Variants in VIT observed in about 807,000 individuals in gnomAD.
The protein encoded by VIT is vitrin.
In VIT, 99 loss-of-function variants were observed where a neutral mutation model predicts 78.0. That is an observed-to-expected ratio of 1.27 (90% CI 1.08 to 1.50). The LOEUF (loss-of-function observed/expected upper bound fraction) is 1.50. VIT is among the 40% of genes most tolerant of loss of function. The pLI is 0.00. For synonymous variants in VIT, 374 were observed against 334.3 expected (o/e 1.12, Z -1.29); for missense variants, 1,126 against 875.3 (o/e 1.29, Z -3.61).
At chr2:36,802,831 C>A (rs936483323) in intron 13 of VIT, among the ~76,000 whole-genome samples, 1 of 152,162 alleles carries the variant, frequency 6.6e-6, no homozygotes, top group Non-Finnish European at 1.5e-5. Flanking sequence ...TCAACTGATT[C>A]CAACAGAAAG....
chr2:36,803,963 T>C (rs1019050125), intron 13 of VIT, among the ~76,000 whole-genome samples: 1 of 152,188 alleles, frequency 6.6e-6, no homozygotes, highest in South Asian at 2.1e-4. Context: ...TATACAGCCA[T>C]GCTGACTCTA....
chr2:36,719,262 C>T (rs1666346105), intron 2 of VIT, among the ~76,000 whole-genome samples: 1 of 152,170 alleles, frequency 6.6e-6, no homozygotes, highest in Admixed American at 6.5e-5. Context: ...AAAAGCTTTT[C>T]CTCTAAGATC....
At chr2:36,733,439 T>C (rs545601351) in intron 3 of VIT, among the ~76,000 whole-genome samples, 154 of 152,064 alleles carry the variant, frequency 1.0e-3, no homozygotes, top group Admixed American at 2.3e-3. Context: ...CTGGCAGGGG[T>C]CCACCCTATA....
chr2:36,765,989 G>T (rs1471875979), intron 6 of VIT, among the ~76,000 whole-genome samples: 1 of 152,254 alleles, frequency 6.6e-6, no homozygotes, highest in Non-Finnish European at 1.5e-5. Context: ...ACAGTGGGTT[G>T]TTCCTTCCCA....
chr2:36,787,730 G>C (rs1255313806), intron 12 of VIT: 3 of 412,236 alleles, frequency 7.3e-6, no homozygotes, highest in African/African-American at 6.3e-5. Context: ...CTATAGGTTA[G>C]ACGCCTAGAG....
Position 36,814,359 on chromosome 2 carries a change from T to G in VIT, c.2080T>G (p.Ter694GlyextTer15). The change falls in exon 16 of 16, where the codon TGA becomes GGA. Residue 694 changes from the stop codon to glycine, a stop_lost. Transcript: ENST00000379242. Reference protein sequence around the residue: ...CTEFNSQPRN* With the variant: ...CTEFNSQPRNG ...AGAGTTCAACTCACAGCCTCGGAAC[T>G]GAATTCAGAGCAGGCAGAGCACCAG... 6.2e-7 allele frequency: 1 copy of G among 1,614,058 alleles called. No homozygotes were observed.
At chr2:36,716,206 A>AG (rs1183708409) in intron 1 of VIT, 147 bp from the exon 2 acceptor site, 2 of 566,318 alleles carry the variant, frequency 3.5e-6, no homozygotes, top group Non-Finnish European at 6.1e-6. Flanking sequence ...TGACATCTCT[A>AG]TGTGCTGCTT....
chr2:36,740,498 G>A (rs756852944), intron 3 of VIT, among the ~76,000 whole-genome samples: 22 of 152,130 alleles, frequency 1.4e-4, no homozygotes, highest in Non-Finnish European at 2.4e-4. Context: ...ACTCTCTCCA[G>A]CTTAATTTTC....
chr2:36,742,128 T>TA (rs1667870130), intron 3 of VIT, among the ~76,000 whole-genome samples: 3 of 152,212 alleles, frequency 2.0e-5, no homozygotes, highest in Non-Finnish European at 4.4e-5. Context: ...TATTCCCAGA[T>TA]CAAAAGGCAC....
chr2:36,710,680 C>A (rs991451664), intron 1 of VIT, among the ~76,000 whole-genome samples: 1 of 152,118 alleles, frequency 6.6e-6, no homozygotes, highest in African/African-American at 2.4e-5. Context: ...TGTCTGACTA[C>A]TTTCATTTAA....
At chr2:36,730,500 T>A (rs1187207712) in intron 3 of VIT, among the ~76,000 whole-genome samples, 1 of 152,116 alleles carries the variant, frequency 6.6e-6, no homozygotes, top group African/African-American at 2.4e-5. Flanking sequence ...CATGTCCACA[T>A]TCCAGTCAGT....
Position 36,729,456 on chromosome 2 carries a change from A to G in VIT, c.83A>G (p.Lys28Arg). The change falls in exon 3 of 16, where the codon AAA (lysine) becomes AGA (arginine). Residue 28 changes from lysine (K) to arginine (R), a missense_variant. Physicochemically the swap from Lys to Arg is conservative, Grantham distance 26 (BLOSUM62 2). Coordinates refer to ENST00000379242, the MANE Select transcript of VIT (RefSeq NM_053276.4). ...CTGGTGACTGGAGTACATTCAAACA[A>G]AGAAACGGCAAAGAAGATTAAAAGG... ...VLLVTGVHSN[K>R]ETAKKIKRPK... 1 of 1,609,592 alleles carries G rather than the reference A, an allele frequency of 6.2e-7. No homozygotes were observed. Among genetic ancestry groups the G allele is most frequent in the South Asian group, 1.1e-5 (1 of 89,320 alleles).
chr2:36,756,332 A>G (rs917931947), intron 5 of VIT, among the ~76,000 whole-genome samples: 2 of 152,148 alleles, frequency 1.3e-5, no homozygotes, highest in African/African-American at 2.4e-5. Context: ...AGGCGGTTCC[A>G]TGGGATTTTA....
At chr2:36,787,744 A>C in intron 12 of VIT, 1 of 430,378 alleles carries the variant, frequency 2.3e-6, no homozygotes, top group Non-Finnish European at 4.6e-6. Context: ...CCTAGAGAAC[A>C]TGGTGCTTTA....
chr2:36,769,117 G>A (rs548755688), intron 7 of VIT, among the ~76,000 whole-genome samples: 1 of 152,296 alleles, frequency 6.6e-6, no homozygotes, highest in South Asian at 2.1e-4. Flanking sequence ...AGGGTTAACA[G>A]GGGTTCTGTA....
intron 4 of VIT, among the ~76,000 whole-genome samples, chr2:36,752,122 T>G (rs969422485): frequency 6.6e-6 from 1 of 152,206 alleles, no homozygotes; most frequent in Non-Finnish European, 1.5e-5. Context: ...TCAGAGGTCT[T>G]AGTACAAGAA....
chr2:36,775,233 CTT>C (rs1480827778), intron 9 of VIT, among the ~76,000 whole-genome samples, 166 bp downstream of exon 9: 1 of 152,208 alleles, frequency 6.6e-6, no homozygotes, highest in Non-Finnish European at 1.5e-5. Context: ...GAAAATGTCT[CTT>C]TGATTGATCT....
intron 7 of VIT, among the ~76,000 whole-genome samples, chr2:36,773,403 G>C (rs1403103451): frequency 2.0e-5 from 3 of 150,830 alleles, no homozygotes; most frequent in Non-Finnish European, 2.9e-5. Context: ...TTCCAACCTT[G>C]GTAATGTCTT....
At chr2:36,796,257 T>C (rs1047629456) in intron 12 of VIT, among the ~76,000 whole-genome samples, 14 of 152,210 alleles carry the variant, frequency 9.2e-5, no homozygotes, top group African/African-American at 3.4e-4. Context: ...TATAATTAAC[T>C]ATTTGTAAGA....
Sources: allele counts gnomAD v4.1 joint callset (sites outside exome capture counted in the v4.1 genomes callset), GRCh38; gene constraint gnomAD v4.1.1; transcripts MANE v1.5; gene names NCBI Gene and HGNC (gene_info 2026-07-23, HGNC 2026-07-21).